Variants in SLC35F3 observed in about 807,000 individuals in gnomAD.
SLC35F3 encodes the protein solute carrier family 35 member F3, also known as putative thiamine transporter SLC35F3.
SLC35F3 carries 25 observed loss-of-function variants against 49.9 expected under a neutral mutation model. The ratio of observed to expected loss-of-function variants is 0.50; its 90% CI spans 0.37 to 0.70. The LOEUF (loss-of-function observed/expected upper bound fraction) is 0.70. SLC35F3 is among the 30% of genes least tolerant of loss of function. SLC35F3 has a pLI of 0.00. For synonymous variants in SLC35F3, 275 were observed against 265.4 expected (o/e 1.04, Z -0.35); for missense variants, 525 against 639.8 (o/e 0.82, Z 1.94).
intron 2 of SLC35F3, among the ~76,000 whole-genome samples, chr1:234,130,485 A>AAAAAAG (rs1272731544): frequency 6.6e-6 from 1 of 151,086 alleles, no homozygotes; most frequent in Non-Finnish European, 1.5e-5. Context: ...AAAAAAAAAA[A>AAAAAAG]AAAATTAGCC....
intron 2 of SLC35F3, among the ~76,000 whole-genome samples, chr1:234,211,160 G>A (rs1157333978): frequency 6.6e-6 from 1 of 152,246 alleles, no homozygotes; most frequent in Admixed American, 6.5e-5. Flanking sequence ...TTGGGGTTTG[G>A]GAACCTTTAC....
At chr1:234,264,814 A>T (rs1426319090) in intron 3 of SLC35F3, among the ~76,000 whole-genome samples, 5 of 152,170 alleles carry the variant, frequency 3.3e-5, no homozygotes, top group Non-Finnish European at 7.3e-5. Flanking sequence ...CAGCCTCCTG[A>T]GTAGCCAGGA....
intron 2 of SLC35F3, among the ~76,000 whole-genome samples, chr1:234,109,169 C>T (rs2102886935): frequency 6.6e-6 from 1 of 152,246 alleles, no homozygotes. Context: ...AGTCAAGCCA[C>T]CAGTGGGTGG....
At position 234,091,244 on chromosome 1, in the gene SLC35F3, C is replaced by T. The variant is rs532736971; in HGVS notation, c.284-140173C>T. ...ACCTAGTCCTCACTCTATCCCCTAG[C>T]GGCTCTGAGGCACTATCACCCTACC... is the stretch of plus-strand genomic sequence containing the variant. On this transcript the variant is annotated intron_variant, in intron 2 of 7. Coordinates refer to ENST00000366618, the MANE Select transcript of SLC35F3 (RefSeq NM_173508.4). Among the ~76,000 whole-genome samples, 11 of 152,278 alleles carry T rather than the reference C, an allele frequency of 7.2e-5. No homozygotes were observed. The South Asian group carries it at 8.3e-4, about 11-fold the overall frequency.
At chr1:234,168,589 G>A (rs1035867773) in intron 2 of SLC35F3, among the ~76,000 whole-genome samples, 10 of 152,246 alleles carry the variant, frequency 6.6e-5, no homozygotes, top group African/African-American at 2.2e-4. Flanking sequence ...TTACAGCAGT[G>A]GCTGTTAATG....
At chr1:234,267,655 C>T (rs1328563309) in intron 3 of SLC35F3, among the ~76,000 whole-genome samples, 35 of 151,452 alleles carry the variant, frequency 2.3e-4, no homozygotes, top group Admixed American at 6.6e-4. Context: ...ACCTCCCTCC[C>T]GGACGGGGCG....
At chr1:234,311,360 T>A (rs1558107096) in intron 4 of SLC35F3, among the ~76,000 whole-genome samples, 1 of 152,228 alleles carries the variant, frequency 6.6e-6, no homozygotes, top group Non-Finnish European at 1.5e-5. Context: ...CCGCTCAGAC[T>A]TCACTCAGAC....
chr1:234,274,074 A>C (rs982524334), intron 3 of SLC35F3: 3 of 152,250 alleles, frequency 2.0e-5, no homozygotes, highest in Non-Finnish European at 2.9e-5. Context: ...CCATAGCTTG[A>C]TTCTTAAAAA....
At chr1:234,228,430 G>A (rs1232544723) in intron 2 of SLC35F3, among the ~76,000 whole-genome samples, 4 of 152,094 alleles carry the variant, frequency 2.6e-5, no homozygotes, top group Non-Finnish European at 5.9e-5. Flanking sequence ...TGGATCTTTC[G>A]TCACTCTGAC....
intron 2 of SLC35F3, among the ~76,000 whole-genome samples, chr1:234,139,965 A>AAAATAAAATAAAATAAAAT (rs1665871408): frequency 1.5e-5 from 2 of 130,392 alleles, no homozygotes; most frequent in South Asian, 2.3e-4. Context: ...AAAATAAAAT[A>AAAATAAAATAAAATAAAAT]AAATAAAATA....
At chr1:233,975,665 G>A (rs1663068168) in intron 2 of SLC35F3, among the ~76,000 whole-genome samples, 1 of 152,210 alleles carries the variant, frequency 6.6e-6, no homozygotes, top group Admixed American at 6.5e-5. Context: ...TGGTTGAACG[G>A]GGAGCAACAG....
chr1:234,112,556 C>CTTTTTTTTTTTTTTTT (rs777353110), intron 2 of SLC35F3, among the ~76,000 whole-genome samples: 1 of 116,352 alleles, frequency 8.6e-6, no homozygotes, highest in Non-Finnish European at 1.8e-5. Context: ...AATTCACACT[C>CTTTTTTTTTTTTTTTT]TTTTTTTTTT....
At chr1:234,263,851 T>C (rs1387564841) in intron 3 of SLC35F3, among the ~76,000 whole-genome samples, 1 of 152,178 alleles carries the variant, frequency 6.6e-6, no homozygotes, top group African/African-American at 2.4e-5. Flanking sequence ...GGCTCACGCT[T>C]GTAATCCAGC....
chr1:234,225,164 C>A (rs561351120), intron 2 of SLC35F3, among the ~76,000 whole-genome samples: 2 of 152,306 alleles, frequency 1.3e-5, no homozygotes, highest in South Asian at 4.1e-4. Context: ...CGTGTGAAAG[C>A]CTTTTCTGCA....
At chr1:234,071,114 A>G (rs1245857587) in intron 2 of SLC35F3, among the ~76,000 whole-genome samples, 1 of 152,190 alleles carries the variant, frequency 6.6e-6, no homozygotes, top group Non-Finnish European at 1.5e-5. Flanking sequence ...CTCTGGCCCT[A>G]TGTGTGGAGA....
chr1:234,308,123 C>G (rs1015171370), intron 3 of SLC35F3, among the ~76,000 whole-genome samples: 3 of 152,164 alleles, frequency 2.0e-5, no homozygotes, highest in African/African-American at 7.2e-5. Flanking sequence ...TCTGCTTATT[C>G]TTCCTGTGCT....
chr1:233,940,527 A>T (rs953567503), intron 2 of SLC35F3, among the ~76,000 whole-genome samples: 2 of 152,128 alleles, frequency 1.3e-5, no homozygotes, highest in Non-Finnish European at 2.9e-5. Flanking sequence ...AATCAACATG[A>T]TTCTCCCATT....
At position 233,905,065 on chromosome 1, in the gene SLC35F3, T is replaced by A; in HGVS notation, c.-13T>A. On this transcript the variant is annotated 5_prime_UTR_variant, in exon 1 of 8. Coordinates refer to ENST00000366618, the MANE Select transcript of SLC35F3 (RefSeq NM_173508.4). ...CAAGTCTGGGAGCTGCCGGTCCCAC[T>A]CTGTCTTTGCCTATGGGGATTCGAG... 6.4e-7 allele frequency: 1 copy of A among 1,558,570 alleles called. No homozygotes were observed.
At chr1:234,196,536 A>G (rs894059739) in intron 2 of SLC35F3, among the ~76,000 whole-genome samples, 4 of 152,256 alleles carry the variant, frequency 2.6e-5, no homozygotes, top group African/African-American at 9.6e-5. Context: ...CCCTGCATCA[A>G]CATCACCCAA....
Sources: allele counts gnomAD v4.1 joint callset (sites outside exome capture counted in the v4.1 genomes callset), GRCh38; gene constraint gnomAD v4.1.1; transcripts MANE v1.5; gene names NCBI Gene and HGNC (gene_info 2026-07-23, HGNC 2026-07-21).